KCNH5: variants seen among roughly 807,000 people sequenced by gnomAD.
KCNH5 encodes potassium voltage-gated channel subfamily H member 5.
KCNH5 carries 46 observed loss-of-function variants against 96.1 expected under a neutral mutation model. That is an observed-to-expected ratio of 0.48 (90% CI 0.38 to 0.61). The LOEUF is 0.61. Ranked by LOEUF, KCNH5 falls within the 20% of genes least tolerant of loss-of-function variation. KCNH5 has a pLI of 0.00. For missense variants in KCNH5, 907 were observed against 1,225.8 expected (o/e 0.74, Z 3.88); for synonymous variants, 439 against 449.8 (o/e 0.98, Z 0.30).
chr14:62,787,661 G>A (rs563358616), intron 9 of KCNH5, among the ~76,000 whole-genome samples: 16 of 152,250 alleles, frequency 1.1e-4, no homozygotes, highest in African/African-American at 3.6e-4. Context: ...TAACTTGTTA[G>A]GGCCTAATGC....
chr14:62,700,829 G>A lies in KCNH5; in HGVS notation c.*6679C>T, dbSNP rs1053707654. ...CAAATGAGGGGTCCATGGCAACAAT[G>A]GTTCTAGGAACAACAATAATCTTTA... On this transcript the variant is annotated 3_prime_UTR_variant, in exon 11 of 11. Transcript: ENST00000322893. The A allele has an allele frequency of 1.4e-4, 22 of 152,178 alleles. No individual in the cohort carries two copies. Among genetic ancestry groups the A allele is most frequent in the Admixed American group, 6.5e-4 (10 of 15,270 alleles). 9.4% of individuals were successfully genotyped at this position (152,178 alleles called of 1,614,324 possible). A position where few individuals can be genotyped will look rare whatever the true frequency, so the allele number is the denominator to read the frequency against.
At chr14:63,039,031 T>C (rs1891774736) in intron 1 of KCNH5, among the ~76,000 whole-genome samples, 1 of 152,104 alleles carries the variant, frequency 6.6e-6, no homozygotes, top group South Asian at 2.1e-4. Flanking sequence ...TTGCCACTGG[T>C]TTTGGATTGT....
chr14:63,006,089 T>A (rs1188351390), intron 3 of KCNH5, among the ~76,000 whole-genome samples: 5 of 152,222 alleles, frequency 3.3e-5, no homozygotes, highest in Admixed American at 3.3e-4. Flanking sequence ...AATTATAGGA[T>A]CTTTATTATA....
chr14:62,933,227 T>TA (rs1331607841), intron 7 of KCNH5, among the ~76,000 whole-genome samples: 2 of 151,992 alleles, frequency 1.3e-5, no homozygotes, highest in African/African-American at 2.4e-5. Flanking sequence ...GTAATAAATT[T>TA]AAAAGAAGCA....
At chr14:62,916,832 C>G (rs1408597487) in intron 7 of KCNH5, among the ~76,000 whole-genome samples, 1 of 152,102 alleles carries the variant, frequency 6.6e-6, no homozygotes, top group Non-Finnish European at 1.5e-5. Flanking sequence ...GCTCTCAGTC[C>G]CAACAAATGA....
At chr14:62,781,854 A>C (rs1056263162) in intron 9 of KCNH5, among the ~76,000 whole-genome samples, 2 of 151,002 alleles carry the variant, frequency 1.3e-5, no homozygotes, top group Non-Finnish European at 1.5e-5. Flanking sequence ...CATCCTCCTC[A>C]GCTGACAGGA....
chr14:62,986,934 T>C (rs1300025595), intron 5 of KCNH5, 138 bp downstream of exon 5: 2 of 638,038 alleles, frequency 3.1e-6, no homozygotes, highest in South Asian at 2.0e-5. Flanking sequence ...GGGATTTCTA[T>C]ATTTCTACAA....
At chr14:62,847,974 C>T (rs879916065) in intron 8 of KCNH5, among the ~76,000 whole-genome samples, 4 of 152,160 alleles carry the variant, frequency 2.6e-5, no homozygotes, top group East Asian at 1.9e-4. Context: ...ACAATCTACT[C>T]GGCTCCATTC....
At position 63,035,730 on chromosome 14, in the gene KCNH5, C is replaced by G. The variant is rs111317498; in HGVS notation, c.73+9384G>C. Among the ~76,000 whole-genome samples, 754 of 152,270 alleles carry G rather than the reference C, an allele frequency of 5.0e-3. 7 individuals are homozygous for G. The highest frequency in any genetic ancestry group is 0.017 in the African/African-American group (686 of 41,554). ...TAAATTGAACTCAAATGCTTTTAAGCTCAGATCCACCAGTTTCTGCTGGGA... is the reference window on the plus strand; with the variant it reads ...TAAATTGAACTCAAATGCTTTTAAGGTCAGATCCACCAGTTTCTGCTGGGA... On this transcript the variant is annotated intron_variant, in intron 1 of 10. Transcript: ENST00000322893.
intron 1 of KCNH5, 125 bp from the exon 2 acceptor site, chr14:63,017,079 T>C: frequency 1.1e-6 from 1 of 872,348 alleles, no homozygotes; most frequent in Non-Finnish European, 1.7e-6. Flanking sequence ...ATTGTACAAA[T>C]AATATAACCT....
In KCNH5 at chr14:62,708,259, C is replaced by T. The variant is rs1483154649; in HGVS notation, c.2216G>A (p.Arg739His). Residue 739 changes from arginine (R) to histidine (H), a missense_variant, in exon 11 of 11, where the codon CGC (arginine) becomes CAC (histidine). By Grantham distance (29) the Arg-to-His change is conservative (BLOSUM62 0). Transcript: ENST00000322893. The part of the protein sequence containing the change: ...PERNQLQVES[R>H]SLQNGASITG... ...GATGGAGGCTCCATTCTGTAAGGAG[C>T]GGCTCTCTACCTGGAGTTGGTTCCT... The T allele has an allele frequency of 1.5e-5, 24 of 1,614,024 alleles. No homozygotes were observed. The highest frequency in any genetic ancestry group is 1.9e-5 in the Non-Finnish European group (23 of 1,180,026).
intron 9 of KCNH5, among the ~76,000 whole-genome samples, chr14:62,783,671 T>C (rs1349355790): frequency 1.3e-5 from 2 of 152,212 alleles, no homozygotes; most frequent in African/African-American, 4.8e-5. Context: ...ATATTCACTA[T>C]AGTGTTATTA....
At chr14:62,754,276 A>C (rs1885569312) in intron 10 of KCNH5, among the ~76,000 whole-genome samples, 1 of 152,170 alleles carries the variant, frequency 6.6e-6, no homozygotes, top group Admixed American at 6.5e-5. Flanking sequence ...AAAAGCAAGA[A>C]ATTAAAACAT....
intron 7 of KCNH5, among the ~76,000 whole-genome samples, chr14:62,929,523 C>A (rs1889540567): frequency 6.6e-6 from 1 of 152,064 alleles, no homozygotes; most frequent in South Asian, 2.1e-4. Flanking sequence ...GGTCTCATTA[C>A]CTTTCTGACT....
intron 10 of KCNH5, among the ~76,000 whole-genome samples, chr14:62,715,689 G>A (rs934131246): frequency 1.9e-4 from 29 of 152,088 alleles, no homozygotes; most frequent in African/African-American, 5.8e-4. Context: ...TAAGCTCTCC[G>A]AGGGCACAAA....
chr14:62,840,317 G>A (rs974418050), intron 8 of KCNH5, among the ~76,000 whole-genome samples: 1 of 151,910 alleles, frequency 6.6e-6, no homozygotes, highest in South Asian at 2.1e-4. Flanking sequence ...TTGCTATTAT[G>A]AGAAAAGAAG....
chr14:62,743,406 A>C (rs1004022684), intron 10 of KCNH5, among the ~76,000 whole-genome samples: 5 of 152,230 alleles, frequency 3.3e-5, no homozygotes, highest in Admixed American at 2.6e-4. Context: ...ACGTAGAATA[A>C]ATCTATGAAA....
At chr14:62,969,757 A>ATTTTT (rs779644836) in intron 6 of KCNH5, among the ~76,000 whole-genome samples, 21 of 113,902 alleles carry the variant, frequency 1.8e-4, no homozygotes, top group East Asian at 2.7e-4. Flanking sequence ...AATAAAATTA[A>ATTTTT]TTTTTTTTTT....
intron 6 of KCNH5, 135 bp from the exon 7 acceptor site, chr14:62,950,694 G>T: frequency 1.7e-6 from 1 of 595,652 alleles, no homozygotes; most frequent in Non-Finnish European, 2.5e-6. Flanking sequence ...TTATAGGTCT[G>T]ATTTTAAGAA....
Sources: allele counts gnomAD v4.1 joint callset (sites outside exome capture counted in the v4.1 genomes callset), GRCh38; gene constraint gnomAD v4.1.1; transcripts MANE v1.5; gene names NCBI Gene and HGNC (gene_info 2026-07-23, HGNC 2026-07-21).